JPH4: variants seen among roughly 807,000 people sequenced by gnomAD.
JPH4 encodes the protein junctophilin 4, also known as junctophilin-4.
A neutral mutation model predicts 57.6 loss-of-function variants in JPH4; 18 were observed. The observed-to-expected ratio is 0.31, with a 90% CI of 0.22 to 0.46. JPH4 has a LOEUF of 0.46. JPH4 is among the 20% of genes least tolerant of loss of function. The pLI, the probability that JPH4 is intolerant of heterozygous loss-of-function variation, is 1.00. For synonymous variants in JPH4, 425 were observed against 406.6 expected (o/e 1.05, Z -0.54); for missense variants, 727 against 911.1 (o/e 0.80, Z 2.60).
Position 23,571,234 on chromosome 14 carries a change from C to G in JPH4, c.1497G>C (p.Trp499Cys), listed in dbSNP as rs199929052. The G allele has an allele frequency of 6.0e-5, 96 of 1,611,886 alleles. No individual in the cohort carries two copies. The highest frequency in any genetic ancestry group is 3.3e-4 in the Middle Eastern group (2 of 6,048). The change falls in exon 5 of 6, where the codon TGG (tryptophan) becomes TGC (cysteine). Residue 499 changes from tryptophan to cysteine, a missense_variant. Physicochemically the swap from Trp to Cys is radical, Grantham distance 215. Coordinates refer to ENST00000356300, the MANE Select transcript of JPH4 (RefSeq NM_001146028.2). The surrounding 1 kb of genome is among the most constrained non-coding windows in gnomAD (Gnocchi z 4.6). ...FSSPKAWPEE[W>C]GGAGAQAEEL... ...CCTCTGCCTGTGCGCCTGCCCCCCC[C>G]CACTCCTCAGGCCAAGCTTTGGGGC...
rs1889309235 is a variant in JPH4 at position 23,577,666 on chromosome 14, C to T, written c.-171-42G>A. 1 of 417,906 alleles carries T rather than the reference C, an allele frequency of 2.4e-6. No homozygotes were observed. The highest frequency in any genetic ancestry group is 4.2e-6 in the Non-Finnish European group (1 of 238,230). 25.9% of individuals were successfully genotyped at this position (417,906 alleles called of 1,614,324 possible). ...AGGGGGGCAAGTGGCGAGAGAGGCCCCTCCTCTTTGCCCGCCGCTCCCTGG... is the reference window on the plus strand; with the variant it reads ...AGGGGGGCAAGTGGCGAGAGAGGCCTCTCCTCTTTGCCCGCCGCTCCCTGG... On this transcript the variant is annotated intron_variant, in intron 1 of 5. Transcript: ENST00000356300. The surrounding 1 kb of genome is among the most constrained non-coding windows in gnomAD (Gnocchi z 8.4).
rs960303527 is a variant in JPH4, at chr14:23,571,560, T to C, written c.1271-100A>G. The C allele has an allele frequency of 2.4e-5, 34 of 1,421,486 alleles. No individual in the cohort carries two copies. The highest frequency in any genetic ancestry group is 3.2e-5 in the Non-Finnish European group (34 of 1,052,394). The allele number at this position is 1,421,486 out of a possible 1,614,324, so 88.1% of individuals were successfully genotyped here. ...TGGGCACTTCCCAGGACTTTGGAAT[T>C]CCCAGGCTCATAGCCTCTCACCGCC... On this transcript the variant is annotated intron_variant, in intron 4 of 5. Coordinates refer to ENST00000356300, the MANE Select transcript of JPH4 (RefSeq NM_001146028.2). This position sits in a 1 kb window ranked among gnomAD's most constrained non-coding sequence, Gnocchi z 4.6.
rs1322845479 is a variant in JPH4 at position 23,576,865 on chromosome 14, T to G, written c.379+210A>C. On this transcript the variant is annotated intron_variant, in intron 2 of 5. Coordinates refer to ENST00000356300, the MANE Select transcript of JPH4 (RefSeq NM_001146028.2). This position sits in a 1 kb window ranked among gnomAD's most constrained non-coding sequence, Gnocchi z 8.0. The stretch of plus-strand genomic sequence containing the variant: ...TGAGGACAGGCAGACAGGGAAGGGG[T>G]GAGGGAGAAGCGAGCAGGAGACAGA... 7.0e-6 allele frequency among the ~76,000 whole-genome samples: 1 copy of G among 143,282 alleles called. No homozygotes were observed. Among genetic ancestry groups the G allele is most frequent in the African/African-American group, 2.7e-5 (1 of 37,726 alleles). 94.0% of individuals were successfully genotyped at this position (143,282 alleles called of 152,430 possible). A position where few individuals can be genotyped will look rare whatever the true frequency, so the allele number is the denominator to read the frequency against.
chr14:23,572,716 C>A, intron 3 of JPH4: 1 of 595,000 alleles, frequency 1.7e-6, no homozygotes, highest in African/African-American at 1.9e-5. Context: ...GAGAGTGGGT[C>A]TCCCCTTTCG....
At chr14:23,570,905 A>G in intron 5 of JPH4, 23 bp downstream of exon 5, 1 of 1,492,156 alleles carries the variant, frequency 6.7e-7, no homozygotes, top group Non-Finnish European at 8.9e-7. Context: ...AAGAGGGCAC[A>G]CAGCAGGGAC....
In JPH4 at chr14:23,578,514, T is replaced by G. The variant is rs1236144891; in HGVS notation, c.-506A>C. The G allele has an allele frequency of 1.3e-5, 2 of 151,708 alleles. No homozygotes were observed. The highest frequency in any genetic ancestry group is 4.8e-5 in the African/African-American group (2 of 41,238). 9.4% of individuals were successfully genotyped at this position (151,708 alleles called of 1,614,324 possible). A position where few individuals can be genotyped will look rare whatever the true frequency, so the allele number is the denominator to read the frequency against. ...GGGTGTTTTTATTATTTTTTTCTTC[T>G]TATGGTTGGGAGAGGAAAAATAAAT... is the stretch of plus-strand genomic sequence containing the variant. On this transcript the variant is annotated 5_prime_UTR_variant, in exon 1 of 6. Transcript: ENST00000356300.
chr14:23,569,867 AC>A lies in JPH4; in HGVS notation c.1804-151del. On this transcript the variant is annotated intron_variant, in intron 5 of 5. Coordinates refer to ENST00000356300, the MANE Select transcript of JPH4 (RefSeq NM_001146028.2). This position sits in a 1 kb window ranked among gnomAD's most constrained non-coding sequence, Gnocchi z 4.8. ...GCCAACATTTGTTTTGGATTGCAAA[AC>A]CCCCTCTTCTCCCAGGCAGGGCCCC... 2 of 564,430 alleles carry A rather than the reference AC, an allele frequency of 3.5e-6. No homozygotes were observed. Among genetic ancestry groups the A allele is most frequent in the Non-Finnish European group, 6.3e-6 (2 of 317,236 alleles). The allele number at this position is 564,430 out of a possible 1,614,324, so 35.0% of individuals were successfully genotyped here. A position where few individuals can be genotyped will look rare whatever the true frequency, so the allele number is the denominator to read the frequency against.
In JPH4 at chr14:23,569,503, C is replaced by A; in HGVS notation, c.*131G>T. 1 of 695,496 alleles carries A rather than the reference C, an allele frequency of 1.4e-6. No homozygotes were observed. The highest frequency in any genetic ancestry group is 1.6e-5 in the South Asian group (1 of 60,840). 43.1% of individuals were successfully genotyped at this position (695,496 alleles called of 1,614,324 possible). On this transcript the variant is annotated 3_prime_UTR_variant, in exon 6 of 6. Transcript: ENST00000356300. The surrounding 1 kb of genome is among the most constrained non-coding windows in gnomAD (Gnocchi z 4.8). The stretch of plus-strand genomic sequence containing the variant: ...AAAGCGAGAGAAAAAAACAAAGGAG[C>A]ACAGAAAAGAAAGGAAGAAGAGAAA...
Position 23,577,542 on chromosome 14 carries a change from C to T in JPH4, c.-89G>A. On this transcript the variant is annotated 5_prime_UTR_variant, in exon 2 of 6. Transcript: ENST00000356300. The surrounding 1 kb of genome is among the most constrained non-coding windows in gnomAD (Gnocchi z 8.4). The stretch of plus-strand genomic sequence containing the variant: ...CTGGGGGCCTTGGAGCCGGGCGAGG[C>T]CTCGGGGCGGGGGCAGTTAGACCGG... 8.4e-7 allele frequency: 1 copy of T among 1,196,630 alleles called. No individual in the cohort carries two copies. Among genetic ancestry groups the T allele is most frequent in the South Asian group, 2.1e-5 (1 of 48,256 alleles). The allele number at this position is 1,196,630 out of a possible 1,614,324, so 74.1% of individuals were successfully genotyped here.
Position 23,571,429 on chromosome 14 carries a change from G to C in JPH4, c.1302C>G (p.Ser434=), listed in dbSNP as rs182379018. The change falls in exon 5 of 6, where the codon TCC becomes TCG. Residue 434 remains serine, a synonymous_variant. Transcript: ENST00000356300. The surrounding 1 kb of genome is among the most constrained non-coding windows in gnomAD (Gnocchi z 4.6). ...GRRPRQDSEG[S]DTEPLDEDSP... ...TGTCCTCATCCAGGGGCTCCGTGTC[G>C]GAACCTTCTGAGTCCTGCCTGGGTC... The C allele has an allele frequency of 6.3e-6, 10 of 1,599,248 alleles. No individual in the cohort carries two copies. In the South Asian group the frequency reaches 1.1e-4, roughly 18 times the overall value.
rs1040686354 is a variant in JPH4 at position 23,577,515 on chromosome 14, T to G, written c.-62A>C. 219 of 1,324,534 alleles carry G rather than the reference T, an allele frequency of 1.7e-4. No homozygotes were observed. The African/African-American group carries it at 2.1e-3, about 13-fold the overall frequency. 82.0% of individuals were successfully genotyped at this position (1,324,534 alleles called of 1,614,324 possible). On this transcript the variant is annotated 5_prime_UTR_variant, in exon 2 of 6. Transcript: ENST00000356300. The surrounding 1 kb of genome is among the most constrained non-coding windows in gnomAD (Gnocchi z 8.4). Reference sequence around the variant, plus strand: ...CAGCGCATCCTGGGACTGGAGAGCCTGCTGGGGGCCTTGGAGCCGGGCGAG... The same window carrying G: ...CAGCGCATCCTGGGACTGGAGAGCCGGCTGGGGGCCTTGGAGCCGGGCGAG...
chr14:23,577,784 G>A lies in JPH4; in HGVS notation c.-171-160C>T, dbSNP rs189420585. 67 of 220,578 alleles carry A rather than the reference G, an allele frequency of 3.0e-4. No individual in the cohort carries two copies. Among genetic ancestry groups the A allele is most frequent in the Middle Eastern group, 1.5e-3 (1 of 688 alleles). The allele number at this position is 220,578 out of a possible 1,614,324, so 13.7% of individuals were successfully genotyped here. A position where few individuals can be genotyped will look rare whatever the true frequency, so the allele number is the denominator to read the frequency against. ...AGCCCCCAAGCTTTGGGGGAATGGG[G>A]GCTTCCCCCATTTCTGTCTTTGTGG... is the stretch of plus-strand genomic sequence containing the variant. On this transcript the variant is annotated intron_variant, in intron 1 of 5. Coordinates refer to ENST00000356300, the MANE Select transcript of JPH4 (RefSeq NM_001146028.2). This position sits in a 1 kb window ranked among gnomAD's most constrained non-coding sequence, Gnocchi z 8.4.
At chr14:23,572,834 T>C (rs1338019644) in intron 3 of JPH4, 1 of 701,922 alleles carries the variant, frequency 1.4e-6, no homozygotes, top group African/African-American at 1.7e-5. Context: ...CCCTACCACC[T>C]TCCCTGCTCC....
intron 3 of JPH4, among the ~76,000 whole-genome samples, chr14:23,573,362 G>A (rs367958015): frequency 8.5e-5 from 13 of 152,308 alleles, no homozygotes; most frequent in East Asian, 7.7e-4. Context: ...GGTGCACAGC[G>A]GGCACATGTG....
rs1889195979 is a variant in JPH4 at position 23,573,213 on chromosome 14, T to C, written c.1152-1293A>G. Among the ~76,000 whole-genome samples the C allele has an allele frequency of 2.0e-5, 3 of 152,222 alleles. 1 individual carries two copies. The South Asian group carries it at 6.2e-4, about 31-fold the overall frequency. ...TCTTTATGTTCTTTGGGAGCCGTGA[T>C]TAGCCCCTTCTCCTCAAACCTGGTG... On this transcript the variant is annotated intron_variant, in intron 3 of 5. Transcript: ENST00000356300.
chr14:23,568,905 G>T lies in JPH4; in HGVS notation c.*729C>A. 4.5e-6 allele frequency: 3 copies of T among 665,608 alleles called. No individual in the cohort carries two copies. Among genetic ancestry groups the T allele is most frequent in the Non-Finnish European group, 5.6e-6 (3 of 537,814 alleles). The allele number at this position is 665,608 out of a possible 1,614,324, so 41.2% of individuals were successfully genotyped here. ...TCTGTTCCTTTACACGTTGCTCTTG[G>T]CATGGCATGCCACCAGAGGGGGCTG... On this transcript the variant is annotated 3_prime_UTR_variant, in exon 6 of 6. Coordinates refer to ENST00000356300, the MANE Select transcript of JPH4 (RefSeq NM_001146028.2).
At chr14:23,572,258 C>T (rs567516681) in intron 3 of JPH4, among the ~76,000 whole-genome samples, 76 of 152,202 alleles carry the variant, frequency 5.0e-4, no homozygotes, top group African/African-American at 1.8e-3. Flanking sequence ...TATCCTGCCC[C>T]CTTCCCAGTG....
In JPH4 at chr14:23,575,812, G is replaced by T; in HGVS notation, c.1024C>A (p.Arg342Ser). 6.3e-7 allele frequency: 1 copy of T among 1,578,618 alleles called. No homozygotes were observed. The highest frequency in any genetic ancestry group is 8.6e-7 in the Non-Finnish European group (1 of 1,164,964). Residue 342 changes from arginine to serine, a missense_variant, in exon 3 of 6, where the codon CGC becomes AGC. By Grantham distance (110) the Arg-to-Ser change is moderately radical. This residue lies in a region of JPH4 where 112 missense variants were observed against 199.4 expected (regional missense o/e 0.56). Transcript: ENST00000356300. The surrounding 1 kb of genome is among the most constrained non-coding windows in gnomAD (Gnocchi z 6.9). ...GCCAGAGGCAGGAGACTGCGGACGCGCCCGCCGTGCACCAGCCGGTTGCGC... is the reference window on the plus strand; with the variant it reads ...GCCAGAGGCAGGAGACTGCGGACGCTCCCGCCGTGCACCAGCCGGTTGCGC... ...YKRNRLVHGG[R>S]VRSLLPLALR... is the part of the protein sequence containing the mutation.
rs1457483791 is a variant in JPH4 at position 23,576,965 on chromosome 14, G to C, written c.379+110C>G. The C allele has an allele frequency of 4.7e-6, 6 of 1,278,814 alleles. No homozygotes were observed. Among genetic ancestry groups the C allele is most frequent in the Non-Finnish European group, 6.2e-6 (6 of 971,162 alleles). The allele number at this position is 1,278,814 out of a possible 1,614,324, so 79.2% of individuals were successfully genotyped here. On this transcript the variant is annotated intron_variant, in intron 2 of 5. Transcript: ENST00000356300. This position sits in a 1 kb window ranked among gnomAD's most constrained non-coding sequence, Gnocchi z 8.0. ...GGGGGTCACATCGATGGGGAATGGT[G>C]GCGGGGGAAAGAAGGATGGGCGCAA... is the stretch of plus-strand genomic sequence containing the variant.
Sources: allele counts gnomAD v4.1 joint callset (sites outside exome capture counted in the v4.1 genomes callset), GRCh38; gene constraint gnomAD v4.1.1; regional missense constraint gnomAD v4.1.1; non-coding constraint Gnocchi (gnomAD v3.1); transcripts MANE v1.5; gene names NCBI Gene and HGNC (gene_info 2026-07-23, HGNC 2026-07-21).